The following MGAM variants were observed in gnomAD, a reference collection of about 807,000 sequenced individuals.
MGAM encodes alpha-1,4-glucosidase.
MGAM carries 253 observed loss-of-function variants against 358.8 expected under a neutral mutation model. The observed-to-expected ratio is 0.71, with a 90% confidence interval of 0.64 to 0.78. The LOEUF (loss-of-function observed/expected upper bound fraction) is 0.78, where lower values mean the gene tolerates loss of function less well. Among genes scored for constraint, MGAM ranks in the 30% least tolerant of loss-of-function variants. The pLI, the probability that MGAM is intolerant of heterozygous loss-of-function variation, is 0.00. For missense variants in MGAM, 3,080 were observed against 3,432.6 expected, an observed-to-expected ratio of 0.90 and a Z score of 2.57; for synonymous variants, 1,105 against 1,227.1, an observed-to-expected ratio of 0.90 and a Z score of 2.08.
At chr7:142,044,169 C>A (rs1466972340) in intron 21 of MGAM, among the ~76,000 whole-genome samples, 41 of 136,210 alleles carry the variant, frequency 3.0e-4, no homozygotes, top group African/African-American at 1.1e-3. Context: ...ATAATATATA[C>A]ATTATATACA....
chr7:142,042,951 A>C (rs1360181774), intron 21 of MGAM, among the ~76,000 whole-genome samples: 1 of 64,106 alleles, frequency 1.6e-5, no homozygotes, highest in Non-Finnish European at 2.7e-5. Context: ...TATATATTAT[A>C]TATACATATA....
rs938783227 is a variant in MGAM at position 142,022,569 on chromosome 7, T to A, written c.882+130T>A. On this transcript the variant is annotated intron_variant, in intron 7 of 70. Coordinates refer to ENST00000475668, the MANE Select transcript of MGAM (RefSeq NM_001365693.1). ...GACTACCTGGCTTTGAATTCTAGTC[T>A]TGCTATTCACCAGTTACGTGGTTCT... 1.5e-5 allele frequency: 15 copies of A among 986,234 alleles called. No individual in the cohort carries two copies. The South Asian group carries it at 3.0e-4, about 19-fold the overall frequency. 61.1% of individuals were successfully genotyped at this position (986,234 alleles called of 1,614,324 possible). A position where few individuals can be genotyped will look rare whatever the true frequency, so the allele number is the denominator to read the frequency against.
rs939740112 is a variant in MGAM, at chr7:142,092,688, G to A, written c.7033+80G>A. ...ACTGGAGGAGCCCGAGGCCAGGGGT[G>A]GCCGCACAGCTCAGGGCACATCCTC... On this transcript the variant is annotated intron_variant, in intron 59 of 70. Transcript: ENST00000475668. The A allele has an allele frequency of 8.6e-6, 11 of 1,284,034 alleles. 1 individual carries two copies. The highest frequency in any genetic ancestry group is 1.9e-4 in the Middle Eastern group (1 of 5,254). The allele number at this position is 1,284,034 out of a possible 1,614,324, so 79.5% of individuals were successfully genotyped here.
chr7:142,078,388 G>T lies in MGAM; in HGVS notation c.5564G>T (p.Arg1855Met). The change falls in exon 48 of 71, where the codon AGG (arginine) becomes ATG (methionine). Residue 1855 changes from arginine (R) to methionine (M), a missense_variant. Coordinates refer to ENST00000475668, the MANE Select transcript of MGAM (RefSeq NM_001365693.1). ...AYTVEWSIKI[R>M]DEEKIDCYPD... ...ACAGTGGAGTGGAGCATAAAGATAA[G>T]GGATGAAGAAAAAATAGACTGTTAC... The T allele has an allele frequency of 6.5e-7, 1 of 1,528,334 alleles. No individual in the cohort carries two copies. The allele number at this position is 1,528,334 out of a possible 1,614,324, so 94.7% of individuals were successfully genotyped here. A position where few individuals can be genotyped will look rare whatever the true frequency, so the allele number is the denominator to read the frequency against.
chr7:142,096,971 C>T (rs896309517), intron 65 of MGAM, among the ~76,000 whole-genome samples: 19 of 150,596 alleles, frequency 1.3e-4, no homozygotes, highest in Middle Eastern at 3.5e-3. Flanking sequence ...CTCTGTCATC[C>T]AGGCTGGAGT....
At chr7:142,036,120 G>T (rs1554465689) in intron 16 of MGAM, 49 bp from the exon 17 acceptor site, 2 of 1,328,032 alleles carry the variant, frequency 1.5e-6, no homozygotes, top group African/African-American at 1.5e-5. Context: ...AGCAAAGGAG[G>T]GTGGTTAGAA....
intron 12 of MGAM, 140 bp from the exon 13 acceptor site, chr7:142,031,540 G>T: frequency 1.7e-6 from 1 of 578,964 alleles, no homozygotes. Flanking sequence ...TGTGAGCACC[G>T]CACCTTCTTA....
At position 142,071,137 on chromosome 7, in the gene MGAM, G is replaced by C. The variant is rs753259806; in HGVS notation, c.5186+19G>C. ...ACTTAAGGTGAATGACAGGACTCAGGTTTTCCTTTACATTTCAGTTAGCTC... is the reference window on the plus strand; with the variant it reads ...ACTTAAGGTGAATGACAGGACTCAGCTTTTCCTTTACATTTCAGTTAGCTC... On this transcript the variant is annotated intron_variant, in intron 44 of 70. Coordinates refer to ENST00000475668, the MANE Select transcript of MGAM (RefSeq NM_001365693.1). 2 of 1,541,284 alleles carry C rather than the reference G, an allele frequency of 1.3e-6. No individual in the cohort carries two copies. The highest frequency in any genetic ancestry group is 2.3e-5 in the South Asian group (2 of 87,464).
In MGAM at chr7:142,089,073, G is replaced by A. The variant is rs944515645; in HGVS notation, c.6810+2356G>A. Among the ~76,000 whole-genome samples the A allele has an allele frequency of 2.1e-5, 3 of 144,372 alleles. 1 individual carries two copies. In the South Asian group the frequency reaches 6.6e-4, roughly 32 times the overall value. The allele number at this position is 144,372 out of a possible 152,430, so 94.7% of individuals were successfully genotyped here. On this transcript the variant is annotated intron_variant, in intron 57 of 70. Transcript: ENST00000475668. Reference sequence around the variant, plus strand: ...AGAAGACCTAGCTTCCTGTCCTCTCGTCACCTCTCACAGAGAATCACTTGA... The same window carrying A: ...AGAAGACCTAGCTTCCTGTCCTCTCATCACCTCTCACAGAGAATCACTTGA...
Position 142,073,299 on chromosome 7 carries a change from T to G in MGAM, c.5187-786T>G. Among the ~76,000 whole-genome samples, 2 of 146,312 alleles carry G rather than the reference T, an allele frequency of 1.4e-5. 1 individual carries two copies. Among genetic ancestry groups the G allele is most frequent in the Admixed American group, 1.4e-4 (2 of 14,526 alleles). Reference sequence around the variant, plus strand: ...AATATTTAAAGAAAGCAGATGATTTTGTTGATAATGGAAACTAACTCTCTT... The same window carrying G: ...AATATTTAAAGAAAGCAGATGATTTGGTTGATAATGGAAACTAACTCTCTT... On this transcript the variant is annotated intron_variant, in intron 44 of 70. Coordinates refer to ENST00000475668, the MANE Select transcript of MGAM (RefSeq NM_001365693.1).
Position 142,025,857 on chromosome 7 carries a change from C to G in MGAM, c.982+708C>G, listed in dbSNP as rs182851325. On this transcript the variant is annotated intron_variant, in intron 8 of 70. Coordinates refer to ENST00000475668, the MANE Select transcript of MGAM (RefSeq NM_001365693.1). Reference sequence around the variant, plus strand: ...GCACTCTAAATGATCTAACATGATTCTAGGACATCTAAGAGATGAATCTAA... The same window carrying G: ...GCACTCTAAATGATCTAACATGATTGTAGGACATCTAAGAGATGAATCTAA... Among the ~76,000 whole-genome samples the G allele has an allele frequency of 1.6e-3, 245 of 152,292 alleles. 2 individuals are homozygous for G. Among genetic ancestry groups the G allele is most frequent in the African/African-American group, 5.2e-3 (215 of 41,560 alleles).
chr7:142,047,832 A>C lies in MGAM; in HGVS notation c.2546A>C (p.Glu849Ala). Residue 849 changes from glutamate to alanine, a missense_variant, in exon 22 of 71, where the codon GAA (glutamate) becomes GCA (alanine). By Grantham distance (107) the Glu-to-Ala change is moderately radical. Around this residue, in one of 5 missense-constraint regions of MGAM, gnomAD observed 1,816 missense variants for 1,840.5 expected, o/e 0.99. Coordinates refer to ENST00000475668, the MANE Select transcript of MGAM (RefSeq NM_001365693.1). Reference sequence around the variant, plus strand: ...ATCATTGCCCTAGATGAGAACAAAGAAGCAAAAGGAGAACTTTTCTGGGAT... The same window carrying C: ...ATCATTGCCCTAGATGAGAACAAAGCAGCAAAAGGAGAACTTTTCTGGGAT... ...GLIIALDENKEAKGELFWDNG... is the reference protein window; with the variant it reads ...GLIIALDENKAAKGELFWDNG... 1 of 1,612,602 alleles carries C rather than the reference A, an allele frequency of 6.2e-7. No homozygotes were observed. Among genetic ancestry groups the C allele is most frequent in the Non-Finnish European group, 8.5e-7 (1 of 1,178,730 alleles).
At chr7:142,009,755 T>C (rs1554453756) in intron 3 of MGAM, among the ~76,000 whole-genome samples, 1 of 152,216 alleles carries the variant, frequency 6.6e-6, no homozygotes, top group African/African-American at 2.4e-5. Context: ...ATACTGGCAC[T>C]TTCAATGATT....
At chr7:142,058,180 A>G (rs1298989233) in intron 30 of MGAM, 23 bp from the exon 31 acceptor site, 7 of 1,613,474 alleles carry the variant, frequency 4.3e-6, no homozygotes, top group Non-Finnish European at 5.9e-6. Flanking sequence ...TCTGAAGACT[A>G]ATATTTTCTG....
At chr7:142,024,395 C>T (rs994537527) in intron 7 of MGAM, among the ~76,000 whole-genome samples, 1 of 140,216 alleles carries the variant, frequency 7.1e-6, no homozygotes, top group Non-Finnish European at 1.5e-5. Flanking sequence ...GTCTGGGCGA[C>T]AGAGTGAGAC....
At chr7:142,064,212 G>A (rs532812884) in intron 36 of MGAM, among the ~76,000 whole-genome samples, 172 bp from the exon 37 acceptor site, 1 of 152,280 alleles carries the variant, frequency 6.6e-6, no homozygotes, top group Non-Finnish European at 1.5e-5. Flanking sequence ...AACACAGCAG[G>A]CGCCAATGCA....
At chr7:142,041,862 T>G (rs1400080536) in intron 21 of MGAM, among the ~76,000 whole-genome samples, 1 of 104,002 alleles carries the variant, frequency 9.6e-6, no homozygotes, top group Non-Finnish European at 1.9e-5. Flanking sequence ...CTGGTCATTT[T>G]ATATATATAT....
At chr7:142,009,197 C>T (rs545572332) in intron 3 of MGAM, among the ~76,000 whole-genome samples, 1 of 152,178 alleles carries the variant, frequency 6.6e-6, no homozygotes, top group South Asian at 2.1e-4. Context: ...GTTTCAAGAG[C>T]TCTGTTTTGG....
chr7:142,052,742 C>T, intron 25 of MGAM, 42 bp from the exon 26 acceptor site: 1 of 1,605,262 alleles, frequency 6.2e-7, no homozygotes, highest in African/African-American at 1.3e-5. Flanking sequence ...AACTTTAAGA[C>T]CACATGCTGT....
Sources: allele counts gnomAD v4.1 joint callset (sites outside exome capture counted in the v4.1 genomes callset), GRCh38; gene constraint gnomAD v4.1.1; regional missense constraint gnomAD v4.1.1; transcripts MANE v1.5; gene names NCBI Gene and HGNC (gene_info 2026-07-23, HGNC 2026-07-21).